The following HYDIN variants were observed in gnomAD, a reference collection of about 807,000 sequenced individuals.
HYDIN encodes the protein HYDIN axonemal central pair apparatus protein.
Under a neutral mutation model 403.9 loss-of-function variants are expected in HYDIN, and 132 were observed. The observed-to-expected ratio is 0.33, with a 90% CI of 0.28 to 0.38. HYDIN has a LOEUF of 0.38. Ranked by LOEUF, HYDIN falls within the 10% of genes least tolerant of loss-of-function variation. The probability of loss-of-function intolerance (pLI) is 1.00; values close to 1 mark genes in which losing one functional copy is unlikely to be tolerated. For synonymous variants in HYDIN, 1,202 were observed against 1,891.7 expected, an observed-to-expected ratio of 0.64 and a Z score of 9.46; for missense variants, 2,827 against 5,009.5, an observed-to-expected ratio of 0.56 and a Z score of 13.15.
intron 40 of HYDIN, among the ~76,000 whole-genome samples, chr16:70,954,709 T>G (rs951303563): frequency 1.3e-5 from 2 of 152,224 alleles, no homozygotes; most frequent in African/African-American, 4.8e-5. Context: ...GCAGCTTCAC[T>G]ATCGCTTCCT....
chr16:71,035,304 CTAATT>C (rs1283559982), intron 18 of HYDIN, among the ~76,000 whole-genome samples: 1 of 46,052 alleles, frequency 2.2e-5, no homozygotes, highest in Non-Finnish European at 4.7e-5. Context: ...ATGCATCTTC[CTAATT>C]TATCAAAAGA....
At chr16:70,869,867 A>G (rs2039992897) in intron 65 of HYDIN, among the ~76,000 whole-genome samples, 1 of 152,204 alleles carries the variant, frequency 6.6e-6, no homozygotes, top group Admixed American at 6.5e-5. Context: ...TGGAGGGCTC[A>G]GGAGAAGACA....
intron 23 of HYDIN, among the ~76,000 whole-genome samples, chr16:71,007,069 T>C (rs2079911863): frequency 1.4e-5 from 2 of 143,964 alleles, no homozygotes; most frequent in African/African-American, 2.5e-5. Flanking sequence ...CCTGCCTCCG[T>C]CCCTCCCTTC....
Position 70,879,401 on chromosome 16 carries a change from G to A in HYDIN, c.10453C>T (p.His3485Tyr), listed in dbSNP as rs2040638778. The change falls in exon 62 of 86, where the codon CAT (histidine) becomes TAT (tyrosine). Residue 3485 changes from histidine to tyrosine, a missense_variant. Physicochemically the swap from His to Tyr is moderately conservative, Grantham distance 83. Coordinates refer to ENST00000393567, the MANE Select transcript of HYDIN (RefSeq NM_001270974.2). ...PRVTVVRPVLHNQYGNPLLLF... is the reference protein window; with the variant it reads ...PRVTVVRPVLYNQYGNPLLLF... ...AGCAAGGGGTTTCCATATTGGTTAT[G>A]AAGAACTGGCCGCACAACCGTCACT... The A allele has an allele frequency of 6.3e-7, 1 of 1,593,050 alleles. No homozygotes were observed. The highest frequency in any genetic ancestry group is 8.6e-7 in the Non-Finnish European group (1 of 1,162,212).
chr16:71,017,415 G>A (rs918692350), intron 23 of HYDIN, among the ~76,000 whole-genome samples: 1 of 151,228 alleles, frequency 6.6e-6, no homozygotes, highest in Non-Finnish European at 1.5e-5. Context: ...CTGCTATCAT[G>A]AAAGATATGC....
intron 10 of HYDIN, among the ~76,000 whole-genome samples, chr16:71,105,560 C>T (rs1354137313): frequency 1.2e-5 from 1 of 83,118 alleles, no homozygotes; most frequent in Non-Finnish European, 2.4e-5. Flanking sequence ...CCTTTTATGA[C>T]TCACAGAAAG....
At position 70,804,999 on chromosome 16, in the gene HYDIN, T is replaced by C. The variant is rs757389842; in HGVS notation, c.*2581A>G. On this transcript the variant is annotated 3_prime_UTR_variant, in exon 86 of 86. Coordinates refer to ENST00000393567, the MANE Select transcript of HYDIN (RefSeq NM_001270974.2). ...ACAGCTTCTTCCACCTTTTCTTTAGTCTTAGGGATCACTTGGTGTACCACA... is the reference window on the plus strand; with the variant it reads ...ACAGCTTCTTCCACCTTTTCTTTAGCCTTAGGGATCACTTGGTGTACCACA... Among the ~76,000 whole-genome samples, 4 of 152,228 alleles carry C rather than the reference T, an allele frequency of 2.6e-5. No individual in the cohort carries two copies. The highest frequency in any genetic ancestry group is 4.4e-5 in the Non-Finnish European group (3 of 68,040).
chr16:70,963,201 AT>A (rs922440796), intron 37 of HYDIN, among the ~76,000 whole-genome samples: 115 of 149,532 alleles, frequency 7.7e-4, no homozygotes, highest in Admixed American at 2.0e-3. Context: ...GCATTTTCTG[AT>A]TTTTTTTTCC....
chr16:71,033,496 G>A (rs2080984420), intron 18 of HYDIN, among the ~76,000 whole-genome samples: 1 of 152,088 alleles, frequency 6.6e-6, no homozygotes, highest in Non-Finnish European at 1.5e-5. Context: ...GGACGGAACT[G>A]GAAGCCATTA....
chr16:70,955,985 A>AT (rs2078223325), intron 39 of HYDIN, among the ~76,000 whole-genome samples: 1 of 151,884 alleles, frequency 6.6e-6, no homozygotes, highest in Non-Finnish European at 1.5e-5. Flanking sequence ...TATCTGGTTA[A>AT]TTTTTTGTAT....
intron 18 of HYDIN, among the ~76,000 whole-genome samples, chr16:71,059,486 A>T (rs1055123050): frequency 2.6e-5 from 4 of 152,064 alleles, no homozygotes; most frequent in African/African-American, 9.7e-5. Flanking sequence ...ATTCTGTTGC[A>T]TTGGTCTATG....
intron 1 of HYDIN, among the ~76,000 whole-genome samples, chr16:71,187,612 T>C (rs888926487): frequency 6.6e-6 from 1 of 152,000 alleles, no homozygotes; most frequent in Non-Finnish European, 1.5e-5. Flanking sequence ...CTAAAAATTA[T>C]TGATAAAATA....
intron 75 of HYDIN, among the ~76,000 whole-genome samples, chr16:70,847,828 A>G (rs886424231): frequency 1.3e-5 from 2 of 152,050 alleles, no homozygotes; most frequent in Admixed American, 1.3e-4. Flanking sequence ...TTTTCATTAA[A>G]TTTGGGAAGT....
chr16:71,197,420 C>T (rs975632933), intron 1 of HYDIN, among the ~76,000 whole-genome samples: 2 of 152,160 alleles, frequency 1.3e-5, no homozygotes, highest in African/African-American at 4.8e-5. Flanking sequence ...AACATTCAGG[C>T]TTGGTTCACA....
chr16:70,834,865 C>CATAT (rs145510606), intron 78 of HYDIN, among the ~76,000 whole-genome samples: 7 of 142,882 alleles, frequency 4.9e-5, no homozygotes, highest in Non-Finnish European at 1.0e-4. Flanking sequence ...ACCAAACAAA[C>CATAT]ATATATATAT....
chr16:70,981,216 C>G (rs139815911), intron 29 of HYDIN, among the ~76,000 whole-genome samples, 175 bp downstream of exon 29: 3 of 152,224 alleles, frequency 2.0e-5, no homozygotes, highest in Non-Finnish European at 4.4e-5. Context: ...CTGCCATAGA[C>G]GATTTCTTGT....
intron 3 of HYDIN, among the ~76,000 whole-genome samples, chr16:71,180,618 G>A (rs1383158759): frequency 1.2e-5 from 1 of 85,130 alleles, no homozygotes; most frequent in Non-Finnish European, 2.0e-5. Context: ...TAGACAGATA[G>A]ATGAAAGAAA....
chr16:71,004,245 C>T (rs2502679), intron 23 of HYDIN, among the ~76,000 whole-genome samples: 28 of 149,280 alleles, frequency 1.9e-4, no homozygotes, highest in Middle Eastern at 3.4e-3. Context: ...ACCTGGGAGG[C>T]GGAGGTTGTA....
chr16:71,206,734 T>C (rs897703024), intron 1 of HYDIN, among the ~76,000 whole-genome samples: 1 of 152,182 alleles, frequency 6.6e-6, no homozygotes, highest in African/African-American at 2.4e-5. Context: ...AGAATGTAAC[T>C]GACCGATAGA....
Sources: allele counts gnomAD v4.1 joint callset (sites outside exome capture counted in the v4.1 genomes callset), GRCh38; gene constraint gnomAD v4.1.1; transcripts MANE v1.5; gene names NCBI Gene and HGNC (gene_info 2026-07-23, HGNC 2026-07-21).